RABGAP1L: variants seen among roughly 807,000 people sequenced by gnomAD.
The protein encoded by RABGAP1L is rab GTPase-activating protein 1-like.
RABGAP1L carries 63 observed loss-of-function variants against 137.7 expected under a neutral mutation model. The observed-to-expected ratio is 0.46, with a 90% confidence interval of 0.37 to 0.56. The LOEUF is 0.56. RABGAP1L is among the 20% of genes least tolerant of loss of function. The pLI is 0.00. For missense variants in RABGAP1L, 1,095 were observed against 1,244.0 expected (o/e 0.88, Z 1.80); for synonymous variants, 431 against 433.7 (o/e 0.99, Z 0.08).
intron 13 of RABGAP1L, among the ~76,000 whole-genome samples, chr1:174,470,376 A>G (rs1657778183): frequency 6.6e-6 from 1 of 152,202 alleles, no homozygotes; most frequent in African/African-American, 2.4e-5. Flanking sequence ...TACAAAGGTG[A>G]TGATACTGAA....
At position 174,590,412 on chromosome 1, in the gene RABGAP1L, C is replaced by T. The variant is rs866153257; in HGVS notation, c.1711-46963C>T. 1.7e-4 allele frequency among the ~76,000 whole-genome samples: 20 copies of T among 119,464 alleles called. 1 individual carries two copies. The highest frequency in any genetic ancestry group is 5.7e-4 in the South Asian group (2 of 3,522). 78.4% of individuals were successfully genotyped at this position (119,464 alleles called of 152,430 possible). A position where few individuals can be genotyped will look rare whatever the true frequency, so the allele number is the denominator to read the frequency against. On this transcript the variant is annotated intron_variant, in intron 13 of 25. Transcript: ENST00000681986. Reference sequence around the variant, plus strand: ...ATGTGCACATTGTGCAGGTTAGTTACATATGTATACATGTGCCATGCTGGT... The same window carrying T: ...ATGTGCACATTGTGCAGGTTAGTTATATATGTATACATGTGCCATGCTGGT...
chr1:174,871,667 C>A (rs1652216866), intron 19 of RABGAP1L, among the ~76,000 whole-genome samples: 1 of 152,100 alleles, frequency 6.6e-6, no homozygotes, highest in African/African-American at 2.4e-5. Context: ...TAAACCTACC[C>A]TCTGATCTTA....
chr1:174,328,497 C>T (rs908321343), intron 11 of RABGAP1L, among the ~76,000 whole-genome samples: 5 of 152,056 alleles, frequency 3.3e-5, no homozygotes, highest in African/African-American at 2.4e-5. Flanking sequence ...TGGCCGGGCA[C>T]GTTGTCTCAT....
chr1:174,491,442 A>G (rs892152340), intron 13 of RABGAP1L, among the ~76,000 whole-genome samples: 1 of 151,978 alleles, frequency 6.6e-6, no homozygotes, highest in Non-Finnish European at 1.5e-5. Context: ...GCTGGTATCC[A>G]AGATGCAAGT....
At chr1:174,463,556 A>G (rs1656956409) in intron 13 of RABGAP1L, among the ~76,000 whole-genome samples, 1 of 152,146 alleles carries the variant, frequency 6.6e-6, no homozygotes, top group African/African-American at 2.4e-5. Flanking sequence ...GATATACCTA[A>G]TGCTAAATGA....
intron 19 of RABGAP1L, among the ~76,000 whole-genome samples, chr1:174,865,851 G>C (rs1260119373): frequency 6.6e-6 from 1 of 152,060 alleles, no homozygotes; most frequent in Non-Finnish European, 1.5e-5. Flanking sequence ...GACTAATATA[G>C]AGCTTATTTA....
intron 17 of RABGAP1L, among the ~76,000 whole-genome samples, chr1:174,712,477 C>T (rs1280800295): frequency 6.6e-6 from 1 of 152,056 alleles, no homozygotes; most frequent in Non-Finnish European, 1.5e-5. Flanking sequence ...CTGAAGCCAG[C>T]GAGACCACGA....
intron 11 of RABGAP1L, among the ~76,000 whole-genome samples, chr1:174,369,760 A>C (rs901108382): frequency 6.6e-6 from 1 of 152,196 alleles, no homozygotes; most frequent in Non-Finnish European, 1.5e-5. Flanking sequence ...AGGTATTTCT[A>C]GAACAGTCAT....
intron 1 of RABGAP1L, among the ~76,000 whole-genome samples, chr1:174,174,967 C>G (rs1219521453): frequency 6.6e-6 from 1 of 152,112 alleles, no homozygotes; most frequent in Non-Finnish European, 1.5e-5. Flanking sequence ...GTCAAGTTGA[C>G]AACTAAAACT....
chr1:174,518,468 G>A (rs927918463), intron 13 of RABGAP1L, among the ~76,000 whole-genome samples: 2 of 152,068 alleles, frequency 1.3e-5, no homozygotes, highest in African/African-American at 4.8e-5. Flanking sequence ...TAGCTATTAA[G>A]TGTATTTTTG....
chr1:174,874,832 T>C (rs376091506), intron 19 of RABGAP1L, among the ~76,000 whole-genome samples: 5 of 152,104 alleles, frequency 3.3e-5, no homozygotes, highest in African/African-American at 1.2e-4. Context: ...AGTATGTTTT[T>C]CGTTGGAACC....
At chr1:174,957,981 C>T (rs2149343937) in intron 20 of RABGAP1L, 1 of 1,565,132 alleles carries the variant, frequency 6.4e-7, no homozygotes, top group African/African-American at 1.4e-5. Flanking sequence ...AAGAAAGTGG[C>T]TTTCTACTTT....
At chr1:174,548,007 C>T (rs1558330824) in intron 13 of RABGAP1L, 35 of 1,550,502 alleles carry the variant, frequency 2.3e-5, no homozygotes, top group Non-Finnish European at 3.1e-5. Flanking sequence ...CTGAATTGTA[C>T]AAATATGTCC....
chr1:174,268,746 G>A (rs1227307976), intron 7 of RABGAP1L, among the ~76,000 whole-genome samples: 1 of 151,982 alleles, frequency 6.6e-6, no homozygotes, highest in African/African-American at 2.4e-5. Flanking sequence ...CAGAGTTTTT[G>A]GTATTTGTTC....
At chr1:174,238,288 C>T (rs1191519435) in intron 4 of RABGAP1L, among the ~76,000 whole-genome samples, 1 of 152,206 alleles carries the variant, frequency 6.6e-6, no homozygotes, top group African/African-American at 2.4e-5. Flanking sequence ...CATTCTCCAT[C>T]CAGGTTTGTT....
chr1:174,462,825 C>T (rs1656839598), intron 13 of RABGAP1L, among the ~76,000 whole-genome samples: 1 of 152,016 alleles, frequency 6.6e-6, no homozygotes. Flanking sequence ...GGATAATGGC[C>T]TCTACCTACA....
chr1:174,266,009 A>T (rs1674038751), intron 7 of RABGAP1L, among the ~76,000 whole-genome samples: 1 of 152,172 alleles, frequency 6.6e-6, no homozygotes, highest in Non-Finnish European at 1.5e-5. Flanking sequence ...TACCTGATGA[A>T]TGAAAAGAGT....
intron 13 of RABGAP1L, among the ~76,000 whole-genome samples, chr1:174,544,559 G>A (rs912351939): frequency 1.3e-5 from 2 of 152,104 alleles, no homozygotes; most frequent in Non-Finnish European, 2.9e-5. Context: ...CTTTAGCTCG[G>A]ATAAGTTCGT....
At chr1:174,493,321 A>C (rs1215629579) in intron 13 of RABGAP1L, among the ~76,000 whole-genome samples, 2 of 151,534 alleles carry the variant, frequency 1.3e-5, no homozygotes, top group Non-Finnish European at 2.9e-5. Context: ...GAATCACACT[A>C]CTGTACTTCA....
Sources: gnomAD v4.1 joint callset for allele counts (sites outside exome capture counted in the v4.1 genomes callset) on GRCh38, gnomAD v4.1.1 for gene constraint, MANE v1.5 for transcripts, NCBI Gene and HGNC (gene_info 2026-07-23, HGNC 2026-07-21) for gene names.